CAPZA2: variants seen among roughly 807,000 people sequenced by gnomAD.
CAPZA2 encodes the protein F-actin-capping protein subunit alpha-2.
A neutral mutation model predicts 44.0 loss-of-function variants in CAPZA2; 13 were observed. That is an observed-to-expected ratio of 0.30 (90% confidence interval 0.19 to 0.47). CAPZA2 has a LOEUF of 0.47. CAPZA2 is among the 20% of genes least tolerant of loss of function. The pLI is 1.00. For synonymous variants in CAPZA2, 94 were observed against 108.2 expected (o/e 0.87, Z 0.81); for missense variants, 244 against 338.6 (o/e 0.72, Z 2.19).
chr7:116,864,617 G>C (rs1176208634), intron 1 of CAPZA2, among the ~76,000 whole-genome samples: 1 of 152,112 alleles, frequency 6.6e-6, no homozygotes, highest in East Asian at 1.9e-4. Flanking sequence ...CTTGTCACTT[G>C]AGATATCTAA....
chr7:116,906,597 C>A, intron 6 of CAPZA2: 2 of 404,840 alleles, frequency 4.9e-6, no homozygotes, highest in Non-Finnish European at 8.1e-6. Flanking sequence ...AGCATGTGTG[C>A]CTGCGAGAAC....
At chr7:116,900,539 G>A (rs570659373) in intron 4 of CAPZA2, among the ~76,000 whole-genome samples, 40 of 151,914 alleles carry the variant, frequency 2.6e-4, no homozygotes, top group Non-Finnish European at 4.4e-4. Context: ...GGGGGTCAGA[G>A]TGGGCCAGGG....
intron 1 of CAPZA2, among the ~76,000 whole-genome samples, chr7:116,866,169 A>G (rs888891250): frequency 6.6e-5 from 10 of 151,444 alleles, no homozygotes; most frequent in South Asian, 2.1e-4. Context: ...TTAACTTGCT[A>G]TAGTGTGTCC....
chr7:116,885,778 G>A (rs193032434), intron 1 of CAPZA2, among the ~76,000 whole-genome samples: 110 of 152,226 alleles, frequency 7.2e-4, no homozygotes, highest in African/African-American at 1.6e-3. Context: ...CTCTCCCCAG[G>A]CACACTACCC....
chr7:116,865,395 A>G (rs546861061), intron 1 of CAPZA2, among the ~76,000 whole-genome samples: 1 of 151,992 alleles, frequency 6.6e-6, no homozygotes, highest in Non-Finnish European at 1.5e-5. Flanking sequence ...TATGTTGCCC[A>G]GGCTGGTCTT....
intron 2 of CAPZA2, 38 bp from the exon 3 acceptor site, chr7:116,892,956 A>G (rs753096627): frequency 1.0e-5 from 15 of 1,431,116 alleles, no homozygotes; most frequent in Non-Finnish European, 1.3e-5. Context: ...CTTGAAACAT[A>G]TAACAATAAT....
At chr7:116,879,783 A>G (rs1796668699) in intron 1 of CAPZA2, among the ~76,000 whole-genome samples, 1 of 152,144 alleles carries the variant, frequency 6.6e-6, no homozygotes, top group Admixed American at 6.5e-5. Flanking sequence ...TGCATTAGTG[A>G]TAACTCTCAA....
chr7:116,888,033 G>T (rs1385470137), intron 1 of CAPZA2, 94 bp from the exon 2 acceptor site: 5 of 848,670 alleles, frequency 5.9e-6, no homozygotes, highest in Non-Finnish European at 9.5e-6. Context: ...GCCATTTTCA[G>T]TAGAGCTTTG....
intron 3 of CAPZA2, among the ~76,000 whole-genome samples, chr7:116,894,213 T>A (rs1197095247): frequency 6.6e-6 from 1 of 151,896 alleles, no homozygotes; most frequent in African/African-American, 2.4e-5. Flanking sequence ...AATAGAAAAA[T>A]TAGCTGAGCA....
At chr7:116,903,233 AGTGTGTGTGTGT>A (rs71148342) in intron 4 of CAPZA2, among the ~76,000 whole-genome samples, 41 of 146,340 alleles carry the variant, frequency 2.8e-4, no homozygotes, top group African/African-American at 9.0e-4. Flanking sequence ...TGCAGAGAAG[AGTGTGTGTGTGT>A]GTGTGTGTGT....
chr7:116,879,064 T>G (rs1176713527), intron 1 of CAPZA2, among the ~76,000 whole-genome samples: 1 of 138,216 alleles, frequency 7.2e-6, no homozygotes, highest in East Asian at 2.2e-4. Flanking sequence ...AGGCAGAGGT[T>G]GCAGTGAGCG....
intron 4 of CAPZA2, among the ~76,000 whole-genome samples, chr7:116,902,115 T>C (rs1396101768): frequency 1.3e-5 from 2 of 152,196 alleles, no homozygotes; most frequent in South Asian, 2.1e-4. Flanking sequence ...TATACAGATA[T>C]TGGCATAACT....
rs192870581 is a variant in CAPZA2, at chr7:116,913,383, A to G, written c.657+1243A>G. On this transcript the variant is annotated intron_variant, in intron 8 of 9. Transcript: ENST00000361183. ...GTGTTTTCTTCTAAAAGTATTATAT[A>G]ATAGTTTTAGCTCTTACATTTAGGT... 6.6e-4 allele frequency among the ~76,000 whole-genome samples: 100 copies of G among 152,292 alleles called. 1 individual carries two copies. The highest frequency in any genetic ancestry group is 2.2e-3 in the African/African-American group (92 of 41,558).
rs535599282 is a variant in CAPZA2, at chr7:116,920,511, G to A, written c.*2644G>A. 2 of 152,352 alleles carry A rather than the reference G, an allele frequency of 1.3e-5. No individual in the cohort carries two copies. Among genetic ancestry groups the A allele is most frequent in the Admixed American group, 1.3e-4 (2 of 15,284 alleles). 9.4% of individuals were successfully genotyped at this position (152,352 alleles called of 1,614,324 possible). On this transcript the variant is annotated 3_prime_UTR_variant, in exon 10 of 10. Coordinates refer to ENST00000361183, the MANE Select transcript of CAPZA2 (RefSeq NM_006136.3). ...CAGTGAGGTCTAGGTATATCCTAAAGGTAAAATCAGCAAGACCTGGGGAGA... is the reference window on the plus strand; with the variant it reads ...CAGTGAGGTCTAGGTATATCCTAAAAGTAAAATCAGCAAGACCTGGGGAGA...
intron 1 of CAPZA2, among the ~76,000 whole-genome samples, chr7:116,879,078 A>T (rs895493261): frequency 4.2e-5 from 6 of 141,478 alleles, no homozygotes; most frequent in Non-Finnish European, 7.6e-5. Context: ...GTGAGCGGAG[A>T]TCGTGCCACT....
At chr7:116,909,631 T>C (rs1446459546) in intron 6 of CAPZA2, 7 of 152,278 alleles carry the variant, frequency 4.6e-5, no homozygotes, top group Non-Finnish European at 1.0e-4. Flanking sequence ...TTTCCAGATA[T>C]CAAAACCTCT....
At chr7:116,876,655 C>T (rs1428776815) in intron 1 of CAPZA2, among the ~76,000 whole-genome samples, 1 of 152,322 alleles carries the variant, frequency 6.6e-6, no homozygotes, top group Non-Finnish European at 1.5e-5. Flanking sequence ...ATTCAGGCTT[C>T]ACCGGTAAGG....
chr7:116,896,389 T>C (rs779255096), intron 3 of CAPZA2, among the ~76,000 whole-genome samples: 5 of 152,120 alleles, frequency 3.3e-5, no homozygotes, highest in Non-Finnish European at 5.9e-5. Flanking sequence ...GCTGTGATGA[T>C]GAGATAAATA....
intron 1 of CAPZA2, among the ~76,000 whole-genome samples, chr7:116,882,561 C>G: frequency 6.6e-6 from 1 of 152,034 alleles, no homozygotes; most frequent in East Asian, 1.9e-4. Context: ...TGTATTGTCT[C>G]AGACAGTTGA....
Sources: gnomAD v4.1 joint callset for allele counts (sites outside exome capture counted in the v4.1 genomes callset) on GRCh38, gnomAD v4.1.1 for gene constraint, MANE v1.5 for transcripts, NCBI Gene and HGNC (gene_info 2026-07-23, HGNC 2026-07-21) for gene names.